TENM2: variants seen among roughly 807,000 people sequenced by gnomAD.
The protein encoded by TENM2 is teneurin-2.
In TENM2, 52 loss-of-function variants were observed where a neutral mutation model predicts 245.2. The observed-to-expected ratio is 0.21, with a 90% CI of 0.17 to 0.27. The LOEUF (loss-of-function observed/expected upper bound fraction) is 0.27, where lower values mean the gene tolerates loss of function less well. TENM2 is among the 10% of genes least tolerant of loss of function. TENM2 has a pLI of 1.00. For synonymous variants in TENM2, 1,363 were observed against 1,438.9 expected (o/e 0.95, Z 1.19); for missense variants, 3,046 against 3,666.8 (o/e 0.83, Z 4.37).
At chr5:167,678,322 C>T (rs1268811646) in intron 2 of TENM2, among the ~76,000 whole-genome samples, 2 of 152,058 alleles carry the variant, frequency 1.3e-5, no homozygotes, top group Admixed American at 1.3e-4. Flanking sequence ...CTTGTTATCA[C>T]GTATAACAGA....
chr5:167,874,591 T>C (rs539887117), intron 2 of TENM2, among the ~76,000 whole-genome samples: 50 of 152,318 alleles, frequency 3.3e-4, no homozygotes, highest in African/African-American at 1.1e-3. Context: ...ATTTAGGACA[T>C]GTGCCATGGG....
At position 167,350,956 on chromosome 5, in the gene TENM2, G is replaced by GAT. The variant is rs557335263; in HGVS notation, c.227-24233_227-24232dup. Among the ~76,000 whole-genome samples, 284 of 30,396 alleles carry GAT rather than the reference G, an allele frequency of 9.3e-3. 65 individuals carry two copies. The highest frequency in any genetic ancestry group is 0.014 in the South Asian group (11 of 800). The allele number at this position is 30,396 out of a possible 152,430, so 19.9% of individuals were successfully genotyped here. On this transcript the variant is annotated intron_variant, in intron 1 of 28. Transcript: ENST00000518659. ...TATATATATGGGATATATACATATG[G>GAT]ATATATATATGGGGTATATACATAT...
At chr5:167,198,124 C>T in the TENM2 span, among the ~76,000 whole-genome samples, 4 of 152,044 alleles carry the variant, frequency 2.6e-5, no homozygotes, top group African/African-American at 7.2e-5. Context: ...AATTCACAGG[C>T]CCTGTGAGCC....
the TENM2 span, among the ~76,000 whole-genome samples, chr5:167,013,304 C>T: frequency 2.0e-5 from 3 of 152,098 alleles, no homozygotes; most frequent in Admixed American, 6.5e-5. Flanking sequence ...ATAATCAAAA[C>T]GGGCCATAAC....
chr5:167,235,176 T>A, the TENM2 span, among the ~76,000 whole-genome samples: 1 of 152,226 alleles, frequency 6.6e-6, no homozygotes, highest in Non-Finnish European at 1.5e-5. Context: ...GTAATCCCTC[T>A]GTGCTTGTCT....
chr5:167,254,249 A>G, the TENM2 span, among the ~76,000 whole-genome samples: 3 of 152,158 alleles, frequency 2.0e-5, no homozygotes, highest in Non-Finnish European at 4.4e-5. Flanking sequence ...TTTCAGGAAC[A>G]GCTGCCTTCT....
chr5:167,817,566 G>A (rs1767158311), intron 2 of TENM2, among the ~76,000 whole-genome samples: 4 of 152,100 alleles, frequency 2.6e-5, no homozygotes, highest in Admixed American at 2.6e-4. Context: ...TAGTTAGATG[G>A]CTTAACAAAC....
intron 2 of TENM2, among the ~76,000 whole-genome samples, chr5:167,820,178 T>C (rs1211899093): frequency 1.3e-5 from 2 of 152,102 alleles, no homozygotes; most frequent in African/African-American, 2.4e-5. Context: ...TGGCTTCTAA[T>C]AGATGAGTTG....
At chr5:167,744,535 G>T (rs13356616) in intron 2 of TENM2, among the ~76,000 whole-genome samples, 2,369 of 152,274 alleles carry the variant, frequency 0.016, 66 homozygotes, top group African/African-American at 0.054. Flanking sequence ...AAAATGCAAT[G>T]ATTTTTAAGT....
intron 3 of TENM2, among the ~76,000 whole-genome samples, chr5:167,919,949 C>A (rs141153162): frequency 2.2e-4 from 34 of 151,656 alleles, no homozygotes; most frequent in Non-Finnish European, 1.2e-4. Context: ...TTTTTTTGGA[C>A]GAGAAAAGGC....
intron 3 of TENM2, among the ~76,000 whole-genome samples, chr5:167,914,449 C>T (rs1194259431): frequency 6.6e-6 from 1 of 152,206 alleles, no homozygotes; most frequent in African/African-American, 2.4e-5. Flanking sequence ...CTGCATCCCT[C>T]TTTCCCTTAT....
intron 1 of TENM2, among the ~76,000 whole-genome samples, chr5:167,294,455 T>C (rs769095299): frequency 1.3e-5 from 2 of 152,078 alleles, no homozygotes; most frequent in Non-Finnish European, 2.9e-5. Flanking sequence ...ACAGTGCAGG[T>C]ACTCAAGGAA....
At chr5:167,266,075 C>T in the TENM2 span, among the ~76,000 whole-genome samples, 1 of 152,094 alleles carries the variant, frequency 6.6e-6, no homozygotes, top group Non-Finnish European at 1.5e-5. Context: ...AGTCAAGTCC[C>T]AGTTGTGGAA....
At chr5:167,870,441 G>A (rs144403400) in intron 2 of TENM2, among the ~76,000 whole-genome samples, 232 of 152,032 alleles carry the variant, frequency 1.5e-3, no homozygotes, top group African/African-American at 5.3e-3. Flanking sequence ...CCTGCTAACA[G>A]CATGATGTTA....
At chr5:167,525,377 T>G (rs1416880049) in intron 2 of TENM2, among the ~76,000 whole-genome samples, 1 of 152,152 alleles carries the variant, frequency 6.6e-6, no homozygotes, top group Non-Finnish European at 1.5e-5. Flanking sequence ...TAATGGTGTT[T>G]CCTAGAGAAG....
chr5:167,559,636 G>C (rs762967899), intron 2 of TENM2, among the ~76,000 whole-genome samples: 3 of 151,954 alleles, frequency 2.0e-5, no homozygotes, highest in Non-Finnish European at 4.4e-5. Flanking sequence ...AAATACATGC[G>C]TGGCCCATTG....
At chr5:167,180,956 A>C in the TENM2 span, among the ~76,000 whole-genome samples, 2 of 149,656 alleles carry the variant, frequency 1.3e-5, no homozygotes, top group East Asian at 2.0e-4. Context: ...GAAAAAAAAA[A>C]CAAAAAACAA....
intron 12 of TENM2, among the ~76,000 whole-genome samples, chr5:168,141,086 A>G (rs532567431): frequency 8.9e-4 from 135 of 152,066 alleles, no homozygotes; most frequent in African/African-American, 3.2e-3. Flanking sequence ...CTTGATGGAC[A>G]TATGTGCTCT....
the TENM2 span, among the ~76,000 whole-genome samples, chr5:167,012,458 A>T: frequency 6.6e-6 from 1 of 152,196 alleles, no homozygotes; most frequent in Non-Finnish European, 1.5e-5. Flanking sequence ...AGGCTACAAG[A>T]GATAAGAAAA....
Sources: allele counts gnomAD v4.1 joint callset (sites outside exome capture counted in the v4.1 genomes callset), GRCh38; gene constraint gnomAD v4.1.1; transcripts MANE v1.5; gene names NCBI Gene and HGNC (gene_info 2026-07-23, HGNC 2026-07-21).